TENM2: variants seen among roughly 807,000 people sequenced by gnomAD.
The protein encoded by TENM2 is teneurin-2.
TENM2 carries 52 observed loss-of-function variants against 245.2 expected under a neutral mutation model. The observed-to-expected ratio is 0.21, with a 90% CI of 0.17 to 0.27. The LOEUF (loss-of-function observed/expected upper bound fraction) is 0.27, where lower values mean the gene tolerates loss of function less well. Ranked by LOEUF, TENM2 falls within the 10% of genes least tolerant of loss-of-function variation. The pLI, the probability that TENM2 is intolerant of heterozygous loss-of-function variation, is 1.00. For synonymous variants in TENM2, 1,363 were observed against 1,438.9 expected, an observed-to-expected ratio of 0.95 and a Z score of 1.19; for missense variants, 3,046 against 3,666.8, an observed-to-expected ratio of 0.83 and a Z score of 4.37.
At chr5:166,984,052 T>C in the TENM2 span, among the ~76,000 whole-genome samples, 1 of 152,146 alleles carries the variant, frequency 6.6e-6, no homozygotes, top group African/African-American at 2.4e-5. Flanking sequence ...TATTTAGCTG[T>C]ATGTAAGCTT....
chr5:167,142,153 G>A, the TENM2 span, among the ~76,000 whole-genome samples: 3 of 151,146 alleles, frequency 2.0e-5, no homozygotes, highest in African/African-American at 7.3e-5. Context: ...GTGTAGATAC[G>A]TGTGTTCATA....
intron 2 of TENM2, among the ~76,000 whole-genome samples, chr5:167,723,618 C>G (rs1219917886): frequency 6.6e-6 from 1 of 152,180 alleles, no homozygotes; most frequent in Non-Finnish European, 1.5e-5. Flanking sequence ...TTTGGTTGCA[C>G]CCCTGGACTT....
At chr5:168,240,043 C>CCCCGT (rs1048223208) in intron 25 of TENM2, among the ~76,000 whole-genome samples, 2 of 152,090 alleles carry the variant, frequency 1.3e-5, no homozygotes, top group African/African-American at 4.8e-5. Context: ...CATGGCGAAA[C>CCCCGT]CCCGTCTCTA....
chr5:167,979,058 G>A (rs1782643494), intron 4 of TENM2, among the ~76,000 whole-genome samples: 1 of 152,218 alleles, frequency 6.6e-6, no homozygotes, highest in South Asian at 2.1e-4. Context: ...AAATGGATCT[G>A]AGTGTGTAAT....
chr5:167,200,134 G>A, the TENM2 span, among the ~76,000 whole-genome samples: 2 of 152,152 alleles, frequency 1.3e-5, no homozygotes, highest in South Asian at 4.1e-4. Flanking sequence ...AAGTAAGACA[G>A]AAATACCTTT....
the TENM2 span, among the ~76,000 whole-genome samples, chr5:167,100,308 A>C: frequency 1.4e-4 from 21 of 152,256 alleles, no homozygotes; most frequent in African/African-American, 5.1e-4. Flanking sequence ...ATTCCTGTAG[A>C]TCAGATGCCA....
the TENM2 span, among the ~76,000 whole-genome samples, chr5:167,234,294 C>T: frequency 4.6e-5 from 7 of 152,144 alleles, no homozygotes; most frequent in African/African-American, 1.7e-4. Context: ...TAGCTTTTGG[C>T]TCATCCTTCA....
chr5:168,212,911 C>T (rs775717623), intron 20 of TENM2, among the ~76,000 whole-genome samples: 1 of 152,156 alleles, frequency 6.6e-6, no homozygotes, highest in African/African-American at 2.4e-5. Context: ...AAGAACTGAC[C>T]TCACACCCAC....
At chr5:167,458,730 T>TA (rs1299470272) in intron 2 of TENM2, among the ~76,000 whole-genome samples, 1 of 152,138 alleles carries the variant, frequency 6.6e-6, no homozygotes, top group African/African-American at 2.4e-5. Flanking sequence ...CTTTATTATA[T>TA]AAACACATTT....
intron 2 of TENM2, among the ~76,000 whole-genome samples, chr5:167,726,621 G>A (rs576274532): frequency 6.6e-6 from 1 of 152,096 alleles, no homozygotes; most frequent in East Asian, 1.9e-4. Context: ...ACCACACCTA[G>A]CTAACTTTTT....
At chr5:167,459,922 A>ACACACACACACACACG (rs1334140909) in intron 2 of TENM2, among the ~76,000 whole-genome samples, 2 of 151,550 alleles carry the variant, frequency 1.3e-5, no homozygotes, top group Admixed American at 6.6e-5. Flanking sequence ...ACACACACAC[A>ACACACACACACACACG]CACACACACA....
chr5:167,747,169 C>G (rs941420079), intron 2 of TENM2, among the ~76,000 whole-genome samples: 2 of 152,020 alleles, frequency 1.3e-5, no homozygotes, highest in African/African-American at 4.8e-5. Context: ...AAACCCAGAG[C>G]CAAACAAGAA....
chr5:167,279,566 CTTCT>C, the TENM2 span, among the ~76,000 whole-genome samples: 1 of 117,060 alleles, frequency 8.5e-6, no homozygotes, highest in African/African-American at 3.4e-5. Flanking sequence ...TCCTTCCTTC[CTTCT>C]TTCTTCTGTT....
At chr5:168,069,669 G>A (rs559437611) in intron 7 of TENM2, among the ~76,000 whole-genome samples, 1 of 152,290 alleles carries the variant, frequency 6.6e-6, no homozygotes, top group South Asian at 2.1e-4. Context: ...CTGAGACAGA[G>A]GTTATGGGCT....
chr5:168,216,632 G>T (rs375648573), intron 21 of TENM2, 136 bp from the exon 24 acceptor site: 12 of 775,906 alleles, frequency 1.5e-5, no homozygotes, highest in African/African-American at 1.5e-4. Context: ...GAGAACCACT[G>T]CTCTGAGGGT....
chr5:168,262,592 G>T, exon 29 of TENM2: 27 of 1,577,186 alleles, frequency 1.7e-5, no homozygotes, highest in Non-Finnish European at 2.3e-5. Context: ...GAGACAGAGG[G>T]CCCTGGGCAC....
chr5:168,099,914 T>G (rs1209491375), intron 9 of TENM2, among the ~76,000 whole-genome samples: 1 of 152,216 alleles, frequency 6.6e-6, no homozygotes, highest in Non-Finnish European at 1.5e-5. Flanking sequence ...AGGCAAGGTT[T>G]GTAGTTCTCC....
intron 2 of TENM2, among the ~76,000 whole-genome samples, chr5:167,650,409 G>A (rs996608392): frequency 6.6e-6 from 1 of 152,066 alleles, no homozygotes; most frequent in African/African-American, 2.4e-5. Flanking sequence ...TTCAGCTAAG[G>A]TTCTTAGGAA....
At chr5:167,061,528 T>C in the TENM2 span, among the ~76,000 whole-genome samples, 1 of 152,304 alleles carries the variant, frequency 6.6e-6, no homozygotes, top group South Asian at 2.1e-4. Context: ...TTACTAAATA[T>C]TTCCTGCGTG....
Sources: allele counts gnomAD v4.1 joint callset (sites outside exome capture counted in the v4.1 genomes callset), GRCh38; gene constraint gnomAD v4.1.1; transcripts MANE v1.5; gene names NCBI Gene and HGNC (gene_info 2026-07-23, HGNC 2026-07-21).